The following VPS13A variants were observed in gnomAD, a reference collection of about 807,000 sequenced individuals.
The protein encoded by VPS13A is intermembrane lipid transfer protein VPS13A.
A neutral mutation model predicts 390.9 loss-of-function variants in VPS13A; 264 were observed. That is an observed-to-expected ratio of 0.68 (90% CI 0.61 to 0.75). VPS13A has a LOEUF of 0.75. Ranked by LOEUF, VPS13A falls within the 30% of genes least tolerant of loss-of-function variation. The pLI is 0.00. For missense variants in VPS13A, 3,409 were observed against 3,733.9 expected, an observed-to-expected ratio of 0.91 and a Z score of 2.27; for synonymous variants, 1,231 against 1,227.1, an observed-to-expected ratio of 1.00 and a Z score of -0.07.
chr9:77,223,609 T>TA (rs1823345129), intron 13 of VPS13A, among the ~76,000 whole-genome samples: 1 of 152,156 alleles, frequency 6.6e-6, no homozygotes, highest in Admixed American at 6.5e-5. Context: ...GCCCTAAACA[T>TA]ATTCTCTTCA....
chr9:77,228,732 C>G lies in VPS13A; in HGVS notation c.1595+468C>G, dbSNP rs111398178. 8.0e-3 allele frequency among the ~76,000 whole-genome samples: 1,210 copies of G among 152,182 alleles called. 17 individuals carry two copies. Among genetic ancestry groups the G allele is most frequent in the African/African-American group, 0.027 (1,133 of 41,510 alleles). On this transcript the variant is annotated intron_variant, in intron 17 of 71. Transcript: ENST00000360280. ...TTTTCATGCTGTTAATGAAGACTTA[C>G]CCAAGACTGGGAAGAAAAAGAGGTT...
At chr9:77,278,763 C>G (rs114111769) in intron 26 of VPS13A, among the ~76,000 whole-genome samples, 1 of 152,232 alleles carries the variant, frequency 6.6e-6, no homozygotes, top group African/African-American at 2.4e-5. Flanking sequence ...TTCTAGCAAC[C>G]GTAAGTCATT....
At chr9:77,401,712 T>G (rs577396977) in intron 68 of VPS13A, among the ~76,000 whole-genome samples, 1 of 152,294 alleles carries the variant, frequency 6.6e-6, no homozygotes, top group African/African-American at 2.4e-5. Context: ...ATCTAAGTTT[T>G]CAAAATTATT....
At position 77,228,170 on chromosome 9, in the gene VPS13A, C is replaced by G. The variant is rs1447443695; in HGVS notation, c.1501C>G (p.Leu501Val). The G allele has an allele frequency of 1.9e-6, 3 of 1,603,578 alleles. No homozygotes were observed. Among genetic ancestry groups the G allele is most frequent in the Non-Finnish European group, 1.7e-6 (2 of 1,174,782 alleles). ...FVHLKSMSIV[L>V]RENHQKPELV... Reference sequence around the variant, plus strand: ...CCACTTGAAAAGTATGTCTATTGTTCTAAGAGAAAATCATCAAAAACCTGA... The same window carrying G: ...CCACTTGAAAAGTATGTCTATTGTTGTAAGAGAAAATCATCAAAAACCTGA... Residue 501 changes from leucine to valine, a missense_variant, in exon 17 of 72, where the codon CTA becomes GTA. This residue lies in a region of VPS13A where 2,717 missense variants were observed against 2,917.4 expected (regional missense o/e 0.93). Coordinates refer to ENST00000360280, the MANE Select transcript of VPS13A (RefSeq NM_033305.3).
Position 77,364,285 on chromosome 9 carries a change from C to T in VPS13A, c.8212-1175C>T, listed in dbSNP as rs150952304. On this transcript the variant is annotated intron_variant, in intron 59 of 71. Transcript: ENST00000360280. ...ACTAAAAATACAAAAATTAGCCAGG[C>T]GTGTTGGCAGGTGCCTGTAATCCCA... Among the ~76,000 whole-genome samples, 193 of 152,096 alleles carry T rather than the reference C, an allele frequency of 1.3e-3. 4 individuals are homozygous for T. The East Asian group carries it at 0.034, about 27-fold the overall frequency.
At chr9:77,363,227 C>G (rs1468810531) in intron 59 of VPS13A, among the ~76,000 whole-genome samples, 1 of 151,754 alleles carries the variant, frequency 6.6e-6, no homozygotes, top group Non-Finnish European at 1.5e-5. Flanking sequence ...GATATTGACC[C>G]TGGGTTTTTC....
At chr9:77,413,882 C>CA (rs2131672211) in intron 71 of VPS13A, among the ~76,000 whole-genome samples, 1 of 152,142 alleles carries the variant, frequency 6.6e-6, no homozygotes, top group East Asian at 1.9e-4. Flanking sequence ...ACAATGAACT[C>CA]AAACAAATCT....
chr9:77,244,303 G>A (rs1367461968), intron 19 of VPS13A, among the ~76,000 whole-genome samples: 1 of 152,002 alleles, frequency 6.6e-6, no homozygotes, highest in East Asian at 1.9e-4. Flanking sequence ...CGTTCCCTAG[G>A]AAGAGGTCTC....
chr9:77,220,119 T>C, intron 11 of VPS13A, 38 bp downstream of exon 11: 1 of 1,579,086 alleles, frequency 6.3e-7, no homozygotes, highest in South Asian at 1.1e-5. Context: ...TGTGAATTAT[T>C]GTTTGATAAA....
chr9:77,316,523 C>A, intron 39 of VPS13A, 117 bp downstream of exon 39: 1 of 842,870 alleles, frequency 1.2e-6, no homozygotes, highest in Non-Finnish European at 2.0e-6. Context: ...AAATGTCTTT[C>A]TCTCTGCTTA....
chr9:77,267,125 A>C (rs539911491), intron 23 of VPS13A, among the ~76,000 whole-genome samples: 1 of 152,136 alleles, frequency 6.6e-6, no homozygotes, highest in South Asian at 2.1e-4. Flanking sequence ...TTTAGCTCAG[A>C]GGAGTTTGTT....
At chr9:77,357,094 C>T (rs553157602) in intron 55 of VPS13A, among the ~76,000 whole-genome samples, 8 of 151,810 alleles carry the variant, frequency 5.3e-5, no homozygotes, top group African/African-American at 7.3e-5. Flanking sequence ...CTGAGGCAGG[C>T]GGATTACTTG....
At chr9:77,394,591 AC>A (rs1834049509) in intron 68 of VPS13A, among the ~76,000 whole-genome samples, 1 of 152,190 alleles carries the variant, frequency 6.6e-6, no homozygotes, top group South Asian at 2.1e-4. Context: ...AGAGAATCCG[AC>A]TGTCTTTTGA....
At position 77,287,651 on chromosome 9, in the gene VPS13A, G is replaced by T. The variant is rs576842335; in HGVS notation, c.3339+4001G>T. On this transcript the variant is annotated intron_variant, in intron 31 of 71. Coordinates refer to ENST00000360280, the MANE Select transcript of VPS13A (RefSeq NM_033305.3). Reference sequence around the variant, plus strand: ...TGTGACAGGTAATAATTCACGTGGCGTATTAGGATTATCAAGAAATGCTTT... The same window carrying T: ...TGTGACAGGTAATAATTCACGTGGCTTATTAGGATTATCAAGAAATGCTTT... 2.0e-5 allele frequency among the ~76,000 whole-genome samples: 3 copies of T among 152,244 alleles called. No individual in the cohort carries two copies. In the East Asian group the frequency reaches 5.8e-4, roughly 29 times the overall value.
At chr9:77,397,445 A>G (rs928587486) in intron 68 of VPS13A, among the ~76,000 whole-genome samples, 1 of 152,080 alleles carries the variant, frequency 6.6e-6, no homozygotes, top group Non-Finnish European at 1.5e-5. Context: ...ATTTTCTTAA[A>G]TATATTTCCT....
Position 77,316,163 on chromosome 9 carries a change from ATTTG to A in VPS13A, c.4631-7_4631-4del. 1.3e-6 allele frequency: 2 copies of A among 1,515,994 alleles called. No individual in the cohort carries two copies. The highest frequency in any genetic ancestry group is 2.3e-5 in the East Asian group (1 of 43,964). 93.9% of individuals were successfully genotyped at this position (1,515,994 alleles called of 1,614,324 possible). A position where few individuals can be genotyped will look rare whatever the true frequency, so the allele number is the denominator to read the frequency against. On this transcript the variant is annotated splice_polypyrimidine_tract_variant and splice_region_variant and intron_variant, in intron 38 of 71. Transcript: ENST00000360280. ...ATAGCAAATATTTTAATCTATTTTT[ATTTG>A]TTTTAGTACCTACACAGGAATCAGT...
rs1564724508 is a variant in VPS13A, at chr9:77,318,572, A to T, written c.5294A>T (p.His1765Leu). The T allele has an allele frequency of 1.2e-6, 2 of 1,613,762 alleles. No individual in the cohort carries two copies. Among genetic ancestry groups the T allele is most frequent in the Admixed American group, 1.7e-5 (1 of 59,954 alleles). Reference sequence around the variant, plus strand: ...AACTGGAGTTCCCTAATAAATCTGCACTGTCAGCTTGAGCTAGAAGTAAGC... The same window carrying T: ...AACTGGAGTTCCCTAATAAATCTGCTCTGTCAGCTTGAGCTAGAAGTAAGC... ...GKNWSSLINL[H>L]CQLELEVHYY... The change falls in exon 41 of 72, where the codon CAC becomes CTC. Residue 1765 changes from histidine (H) to leucine (L), a missense_variant. Coordinates refer to ENST00000360280, the MANE Select transcript of VPS13A (RefSeq NM_033305.3).
chr9:77,357,639 C>T (rs1587652068), intron 55 of VPS13A, 53 bp from the exon 56 acceptor site: 2 of 1,572,980 alleles, frequency 1.3e-6, no homozygotes, highest in African/African-American at 1.4e-5. Context: ...ATTTCTAATT[C>T]TAGTCATTTA....
chr9:77,330,995 T>C (rs1440126876), intron 45 of VPS13A, among the ~76,000 whole-genome samples: 1 of 152,204 alleles, frequency 6.6e-6, no homozygotes, highest in Admixed American at 6.5e-5. Context: ...CTTGTTTTGC[T>C]ATGTTCTGTT....
Sources: allele counts gnomAD v4.1 joint callset (sites outside exome capture counted in the v4.1 genomes callset), GRCh38; gene constraint gnomAD v4.1.1; regional missense constraint gnomAD v4.1.1; transcripts MANE v1.5; gene names NCBI Gene and HGNC (gene_info 2026-07-23, HGNC 2026-07-21).